The following CDH13 variants were observed in gnomAD, a reference collection of about 807,000 sequenced individuals.
The protein encoded by CDH13 is cadherin-13.
Under a neutral mutation model 63.8 loss-of-function variants are expected in CDH13, and 24 were observed. That is an observed-to-expected ratio of 0.38 (90% CI 0.27 to 0.53). The LOEUF (loss-of-function observed/expected upper bound fraction) is 0.53. Ranked by LOEUF, CDH13 falls within the 20% of genes least tolerant of loss-of-function variation. The pLI, the probability that CDH13 is intolerant of heterozygous loss-of-function variation, is 0.85. For synonymous variants in CDH13, 503 were observed against 355.3 expected (o/e 1.42, Z -4.67); for missense variants, 1,049 against 903.1 (o/e 1.16, Z -2.07).
chr16:83,054,078 G>A (rs551867360), intron 3 of CDH13, among the ~76,000 whole-genome samples: 25 of 152,130 alleles, frequency 1.6e-4, no homozygotes, highest in Non-Finnish European at 3.4e-4. Context: ...TACTGTACGG[G>A]TTTATAGCCT....
chr16:82,795,633 C>T (rs914741024), intron 1 of CDH13, among the ~76,000 whole-genome samples: 10 of 152,176 alleles, frequency 6.6e-5, no homozygotes, highest in African/African-American at 2.4e-4. Flanking sequence ...ACCCAAGGTC[C>T]TACAGTTGTT....
intron 5 of CDH13, among the ~76,000 whole-genome samples, chr16:83,263,285 G>C (rs1350036438): frequency 6.6e-6 from 1 of 152,208 alleles, no homozygotes; most frequent in Non-Finnish European, 1.5e-5. Context: ...TGCTTAGTTG[G>C]TTGTCTGCTT....
At chr16:83,627,599 G>C (rs1910426800) in intron 8 of CDH13, among the ~76,000 whole-genome samples, 1 of 152,116 alleles carries the variant, frequency 6.6e-6, no homozygotes, top group South Asian at 2.1e-4. Context: ...CACCCAGGCT[G>C]GAGTGCAGTG....
At chr16:83,509,053 C>G (rs2074493597) in intron 7 of CDH13, among the ~76,000 whole-genome samples, 1 of 152,224 alleles carries the variant, frequency 6.6e-6, no homozygotes, top group Admixed American at 6.5e-5. Flanking sequence ...GCCCTCCCTT[C>G]TCATTCCTCT....
chr16:82,820,399 C>G (rs1454197595), intron 1 of CDH13, among the ~76,000 whole-genome samples: 1 of 152,144 alleles, frequency 6.6e-6, no homozygotes, highest in African/African-American at 2.4e-5. Context: ...ATCCTTACAA[C>G]CCTTTGGGGT....
chr16:83,489,020 A>G (rs560801082), intron 7 of CDH13, among the ~76,000 whole-genome samples: 1 of 152,176 alleles, frequency 6.6e-6, no homozygotes, highest in Non-Finnish European at 1.5e-5. Flanking sequence ...ACGTGTGTGC[A>G]GGTGCACACA....
chr16:83,089,000 C>G (rs6565118), intron 3 of CDH13, among the ~76,000 whole-genome samples: 147,689 of 152,324 alleles, frequency 0.97, 71,624 homozygotes, highest in East Asian at 1. Context: ...AGTTGCAATA[C>G]AAACAGTGTG....
At chr16:82,715,747 G>C (rs1217403661) in intron 1 of CDH13, among the ~76,000 whole-genome samples, 1 of 152,178 alleles carries the variant, frequency 6.6e-6, no homozygotes, top group South Asian at 2.1e-4. Flanking sequence ...AGGTGACAAT[G>C]ACATGCAGCA....
rs1196579687 is a variant in CDH13, at chr16:83,157,736, TATAAA to T, written c.483+32237_483+32241del. 8.0e-3 allele frequency among the ~76,000 whole-genome samples: 565 copies of T among 70,592 alleles called. 4 individuals carry two copies. Among genetic ancestry groups the T allele is most frequent in the African/African-American group, 0.031 (525 of 17,086 alleles). 46.3% of individuals were successfully genotyped at this position (70,592 alleles called of 152,430 possible). On this transcript the variant is annotated intron_variant, in intron 4 of 13. Transcript: ENST00000567109. ...GGTGAAACCCCGTCTCTACTAGAAA[TATAAA>T]AAAAAAAAAAAAAAAAAAAAAATTA...
intron 5 of CDH13, among the ~76,000 whole-genome samples, chr16:83,269,079 A>G (rs2088715975): frequency 6.6e-6 from 1 of 152,264 alleles, no homozygotes; most frequent in African/African-American, 2.4e-5. Flanking sequence ...ACAGAAAAAC[A>G]ATGACTTCAT....
chr16:82,992,526 C>T (rs538168291), intron 2 of CDH13, among the ~76,000 whole-genome samples: 2 of 152,218 alleles, frequency 1.3e-5, no homozygotes, highest in Middle Eastern at 3.4e-3. Context: ...TAGAGATAAT[C>T]TAACATTCTC....
At chr16:82,779,494 T>C (rs1359037458) in intron 1 of CDH13, among the ~76,000 whole-genome samples, 3 of 152,008 alleles carry the variant, frequency 2.0e-5, no homozygotes, top group South Asian at 4.1e-4. Flanking sequence ...CTGAACTCAG[T>C]TGTGCAAAAA....
intron 5 of CDH13, among the ~76,000 whole-genome samples, chr16:83,298,127 C>T (rs1019560442): frequency 6.6e-5 from 10 of 151,286 alleles, no homozygotes; most frequent in African/African-American, 1.5e-4. Flanking sequence ...CCTGTGGTTC[C>T]AGCTACTCAG....
intron 6 of CDH13, among the ~76,000 whole-genome samples, chr16:83,430,895 C>A (rs1275394137): frequency 6.6e-6 from 1 of 151,764 alleles, no homozygotes; most frequent in African/African-American, 2.4e-5. Flanking sequence ...TATGCATGTG[C>A]CACACTGGTG....
chr16:83,152,919 CTG>C (rs1567881861), intron 4 of CDH13, among the ~76,000 whole-genome samples: 1 of 152,122 alleles, frequency 6.6e-6, no homozygotes, highest in African/African-American at 2.4e-5. Flanking sequence ...AGAAAGAACA[CTG>C]TGTGAGCAGG....
chr16:83,500,724 C>A (rs746163456), intron 7 of CDH13, among the ~76,000 whole-genome samples: 1 of 149,862 alleles, frequency 6.7e-6, no homozygotes, highest in African/African-American at 2.5e-5. Flanking sequence ...AGGAAAGGCA[C>A]CCACCATCTT....
At chr16:83,045,596 C>T (rs1304908989) in intron 3 of CDH13, among the ~76,000 whole-genome samples, 1 of 142,666 alleles carries the variant, frequency 7.0e-6, no homozygotes, top group East Asian at 2.1e-4. Context: ...AAGATCACGC[C>T]ACTGCAGTGT....
chr16:83,298,966 G>A (rs1395559113), intron 5 of CDH13, among the ~76,000 whole-genome samples: 1 of 152,146 alleles, frequency 6.6e-6, no homozygotes, highest in Non-Finnish European at 1.5e-5. Context: ...TAAAAGTAAT[G>A]CATGCTTGTT....
chr16:83,769,366 G>A (rs910650030), intron 11 of CDH13, among the ~76,000 whole-genome samples: 1 of 152,174 alleles, frequency 6.6e-6, no homozygotes, highest in Non-Finnish European at 1.5e-5. Flanking sequence ...AGGATCTAGT[G>A]CTACTGTAAC....
Sources: allele counts gnomAD v4.1 joint callset (sites outside exome capture counted in the v4.1 genomes callset), GRCh38; gene constraint gnomAD v4.1.1; transcripts MANE v1.5; gene names NCBI Gene and HGNC (gene_info 2026-07-23, HGNC 2026-07-21).